Variants in NINJ2 observed in about 807,000 individuals in gnomAD.
The protein encoded by NINJ2 is ninjurin-2.
A neutral mutation model predicts 11.7 loss-of-function variants in NINJ2; 12 were observed. The observed-to-expected ratio is 1.02, with a 90% confidence interval of 0.66 to 1.66. NINJ2 has a LOEUF of 1.66. Among genes scored for constraint, NINJ2 ranks in the 40% most tolerant of loss-of-function variants. NINJ2 has a pLI of 0.00. For synonymous variants in NINJ2, 93 were observed against 76.8 expected (o/e 1.21, Z -1.10); for missense variants, 187 against 181.8 (o/e 1.03, Z -0.16).
intron 1 of NINJ2, among the ~76,000 whole-genome samples, chr12:648,211 C>CTA (rs1937721937): frequency 6.6e-6 from 1 of 152,106 alleles, no homozygotes; most frequent in African/African-American, 2.4e-5. Context: ...GTAGCTGGGA[C>CTA]TATATGCACC....
chr12:576,022 T>C (rs550342336), intron 1 of NINJ2, among the ~76,000 whole-genome samples: 124 of 152,296 alleles, frequency 8.1e-4, no homozygotes, highest in Non-Finnish European at 1.3e-3. Context: ...TGCAGGCTCC[T>C]GACTGCAGCC....
chr12:648,751 C>T (rs1008056880), intron 1 of NINJ2, among the ~76,000 whole-genome samples: 18 of 152,226 alleles, frequency 1.2e-4, no homozygotes, highest in African/African-American at 3.9e-4. Flanking sequence ...CCATCATGAT[C>T]TGATTCCAAC....
intron 1 of NINJ2, chr12:641,075 T>C (rs1394798277): frequency 1.3e-5 from 2 of 152,254 alleles, no homozygotes; most frequent in Non-Finnish European, 2.9e-5. Flanking sequence ...TAACCATGTT[T>C]ATGAGGTGAA....
Position 640,526 on chromosome 12 carries a change from T to C in NINJ2, c.33+22802A>G, listed in dbSNP as rs1316264657. ...CTTCTTAATGGTCCTGTTTTTATTT[T>C]ATTTTGTTTTATTTTTGAGACTGAG... On this transcript the variant is annotated intron_variant, in intron 1 of 3. Coordinates refer to ENST00000305108, the MANE Select transcript of NINJ2 (RefSeq NM_016533.6). The surrounding 1 kb of genome is among the most constrained non-coding windows in gnomAD (Gnocchi z 4.0). 6.6e-6 allele frequency among the ~76,000 whole-genome samples: 1 copy of C among 152,202 alleles called. No individual in the cohort carries two copies. The highest frequency in any genetic ancestry group is 1.5e-5 in the Non-Finnish European group (1 of 68,038).
At chr12:600,468 A>G (rs959544149) in intron 1 of NINJ2, among the ~76,000 whole-genome samples, 28 of 152,124 alleles carry the variant, frequency 1.8e-4, no homozygotes, top group Admixed American at 3.3e-4. Context: ...AGGCGGGAGA[A>G]TCACTTGAAC....
intron 1 of NINJ2, among the ~76,000 whole-genome samples, chr12:650,957 T>C (rs1937777397): frequency 6.6e-6 from 1 of 152,174 alleles, no homozygotes; most frequent in South Asian, 2.1e-4. Context: ...AGTCATGGCT[T>C]ACTGGGGCAG....
intron 1 of NINJ2, among the ~76,000 whole-genome samples, chr12:651,712 C>T (rs1000712241): frequency 4.6e-5 from 7 of 152,086 alleles, no homozygotes; most frequent in Non-Finnish European, 7.4e-5. Context: ...GCAGATGGCA[C>T]GCAAGAAGAG....
At chr12:600,177 G>A (rs1947848227) in intron 1 of NINJ2, among the ~76,000 whole-genome samples, 1 of 152,152 alleles carries the variant, frequency 6.6e-6, no homozygotes, top group Non-Finnish European at 1.5e-5. Context: ...GAGTCCTTCT[G>A]GGAGACATGC....
intron 1 of NINJ2, among the ~76,000 whole-genome samples, chr12:660,430 T>C (rs1937943229): frequency 1.3e-5 from 2 of 148,786 alleles, no homozygotes; most frequent in Non-Finnish European, 1.5e-5. Flanking sequence ...AACCTCTGCC[T>C]CCCAGGTTCA....
intron 1 of NINJ2, among the ~76,000 whole-genome samples, chr12:632,993 C>G (rs1948301495): frequency 6.6e-6 from 1 of 152,162 alleles, no homozygotes; most frequent in Admixed American, 6.5e-5. Flanking sequence ...CAAGATCTCA[C>G]AAGATCTTAG....
chr12:631,491 G>A (rs1351866334), intron 1 of NINJ2, among the ~76,000 whole-genome samples: 1 of 152,190 alleles, frequency 6.6e-6, no homozygotes, highest in Non-Finnish European at 1.5e-5. Context: ...AGCCTCCCGA[G>A]TAGCTGGGAG....
In NINJ2 at chr12:633,288, A is replaced by C. The variant is rs1010313789; in HGVS notation, c.33+30040T>G. Reference sequence around the variant, plus strand: ...CGAGGTGGATGGATCACCTGAAGTCAGCAGTTCAAGACCAACTTGGCCAAC... The same window carrying C: ...CGAGGTGGATGGATCACCTGAAGTCCGCAGTTCAAGACCAACTTGGCCAAC... On this transcript the variant is annotated intron_variant, in intron 1 of 3. Coordinates refer to ENST00000305108, the MANE Select transcript of NINJ2 (RefSeq NM_016533.6). This position sits in a 1 kb window ranked among gnomAD's most constrained non-coding sequence, Gnocchi z 4.3. Among the ~76,000 whole-genome samples the C allele has an allele frequency of 1.8e-4, 27 of 152,102 alleles. No individual in the cohort carries two copies. The highest frequency in any genetic ancestry group is 6.5e-4 in the African/African-American group (27 of 41,418).
intron 1 of NINJ2, among the ~76,000 whole-genome samples, chr12:636,847 A>G (rs564170612): frequency 2.0e-5 from 3 of 152,328 alleles, no homozygotes; most frequent in Admixed American, 1.3e-4. Flanking sequence ...CAGTTCCTCA[A>G]AAAGTTAGAG....
At chr12:655,449 C>G (rs970865825) in intron 1 of NINJ2, among the ~76,000 whole-genome samples, 1 of 152,138 alleles carries the variant, frequency 6.6e-6, no homozygotes, top group South Asian at 2.1e-4. Flanking sequence ...ACATAAAATG[C>G]AATCACTTTC....
At position 570,948 on chromosome 12, in the gene NINJ2, A is replaced by G. The variant is rs1016236487; in HGVS notation, c.34-4770T>C. Reference sequence around the variant, plus strand: ...CAGAGGCCATGGACAGCAGAACGACACTTTGCTCCTTCACAGAAGGAAGGA... The same window carrying G: ...CAGAGGCCATGGACAGCAGAACGACGCTTTGCTCCTTCACAGAAGGAAGGA... On this transcript the variant is annotated intron_variant, in intron 1 of 3. Coordinates refer to ENST00000305108, the MANE Select transcript of NINJ2 (RefSeq NM_016533.6). Among the ~76,000 whole-genome samples the G allele has an allele frequency of 3.9e-5, 6 of 152,098 alleles. No homozygotes were observed. The South Asian group carries it at 1.2e-3, about 32-fold the overall frequency.
intron 1 of NINJ2, among the ~76,000 whole-genome samples, chr12:613,639 C>T (rs1234293894): frequency 1.3e-5 from 2 of 152,132 alleles, no homozygotes; most frequent in Non-Finnish European, 2.9e-5. Flanking sequence ...GGCGCGGTGG[C>T]TCACGCCTGT....
intron 1 of NINJ2, among the ~76,000 whole-genome samples, chr12:569,430 C>T (rs1947347729): frequency 6.6e-6 from 1 of 152,226 alleles, no homozygotes; most frequent in Non-Finnish European, 1.5e-5. Context: ...AACTGTGCCC[C>T]CTGGCCTCCC....
rs1948308657 is a variant in NINJ2, at chr12:633,569, A to T, written c.33+29759T>A. 6.6e-6 allele frequency among the ~76,000 whole-genome samples: 1 copy of T among 152,010 alleles called. No individual in the cohort carries two copies. Among genetic ancestry groups the T allele is most frequent in the African/African-American group, 2.4e-5 (1 of 41,384 alleles). ...AGTGGCCCATGCCCGTAATCCCAGC[A>T]CTTTGGGAGGCTGAGGCAGGCAGAT... is the stretch of plus-strand genomic sequence containing the variant. On this transcript the variant is annotated intron_variant, in intron 1 of 3. Coordinates refer to ENST00000305108, the MANE Select transcript of NINJ2 (RefSeq NM_016533.6). The surrounding 1 kb of genome is among the most constrained non-coding windows in gnomAD (Gnocchi z 4.3).
At chr12:576,007 C>G (rs1434038010) in intron 1 of NINJ2, among the ~76,000 whole-genome samples, 1 of 152,212 alleles carries the variant, frequency 6.6e-6, no homozygotes. Flanking sequence ...CTGGGGCAGG[C>G]CGCATGCAGG....
Sources: allele counts gnomAD v4.1 joint callset (sites outside exome capture counted in the v4.1 genomes callset), GRCh38; gene constraint gnomAD v4.1.1; non-coding constraint Gnocchi (gnomAD v3.1); transcripts MANE v1.5; gene names NCBI Gene and HGNC (gene_info 2026-07-23, HGNC 2026-07-21).